Variants in ERI1 observed in about 807,000 individuals in gnomAD.
ERI1 encodes exoribonuclease 1.
A neutral mutation model predicts 39.7 loss-of-function variants in ERI1; 39 were observed. The observed-to-expected ratio is 0.98, with a 90% confidence interval of 0.76 to 1.28. The LOEUF is 1.28. ERI1 is among the 50% of genes most tolerant of loss of function. The pLI is 0.00. For missense variants in ERI1, 581 were observed against 416.9 expected, an observed-to-expected ratio of 1.39 and a Z score of -3.43; for synonymous variants, 204 against 149.6, an observed-to-expected ratio of 1.36 and a Z score of -2.65.
At chr8:9,016,560 A>AG (rs1162420586) in intron 4 of ERI1, among the ~76,000 whole-genome samples, 155 bp downstream of exon 4, 128 of 152,242 alleles carry the variant, frequency 8.4e-4, no homozygotes, top group African/African-American at 3.0e-3. Context: ...AAAAAAAAAA[A>AG]ACAGCAAATT....
intron 3 of ERI1, among the ~76,000 whole-genome samples, chr8:9,068,566 G>A (rs1798952997): frequency 6.6e-6 from 1 of 152,074 alleles, no homozygotes; most frequent in Admixed American, 6.6e-5. Context: ...ATTGCCATAG[G>A]GGTCTTTATT....
intron 3 of ERI1, among the ~76,000 whole-genome samples, chr8:9,053,103 G>C (rs1240521621): frequency 1.3e-5 from 2 of 152,142 alleles, no homozygotes; most frequent in Non-Finnish European, 2.9e-5. Context: ...TGCAACCTCT[G>C]CCTCCCGGGT....
At chr8:9,043,630 A>G (rs2979269) in intron 3 of ERI1, among the ~76,000 whole-genome samples, 67,347 of 152,146 alleles carry the variant, frequency 0.44, 15,839 homozygotes, top group Non-Finnish European at 0.53. Flanking sequence ...TTGGTATTCC[A>G]TGAGAGGTTG....
chr8:9,014,403 T>G (rs1817008262), intron 3 of ERI1, among the ~76,000 whole-genome samples: 1 of 152,208 alleles, frequency 6.6e-6, no homozygotes, highest in Non-Finnish European at 1.5e-5. Flanking sequence ...TGCCCATGTT[T>G]CTGACCCCCC....
chr8:9,003,777 A>G (rs1815639191), intron 1 of ERI1, among the ~76,000 whole-genome samples: 1 of 152,248 alleles, frequency 6.6e-6, no homozygotes, highest in African/African-American at 2.4e-5. Flanking sequence ...ACGAATGTTA[A>G]TTGTTGACTA....
intron 5 of ERI1, among the ~76,000 whole-genome samples, chr8:9,019,063 C>T (rs1002125211): frequency 6.6e-6 from 1 of 152,136 alleles, no homozygotes; most frequent in Non-Finnish European, 1.5e-5. Flanking sequence ...CAGAGAAGGA[C>T]TTTTGCTGCC....
At chr8:9,010,819 C>G (rs147246912) in intron 2 of ERI1, among the ~76,000 whole-genome samples, 103 of 152,284 alleles carry the variant, frequency 6.8e-4, no homozygotes, top group African/African-American at 2.3e-3. Flanking sequence ...CTCCTCCCCA[C>G]TACTCCATTT....
At chr8:9,014,746 T>G (rs536013994) in intron 3 of ERI1, among the ~76,000 whole-genome samples, 64 of 152,382 alleles carry the variant, frequency 4.2e-4, no homozygotes, top group Non-Finnish European at 7.9e-4. Context: ...GGATATAGAC[T>G]TAATTTATCT....
chr8:9,009,781 AC>A (rs1250455491), intron 2 of ERI1, among the ~76,000 whole-genome samples: 1 of 151,650 alleles, frequency 6.6e-6, no homozygotes, highest in East Asian at 1.9e-4. Flanking sequence ...CAAGTGATTC[AC>A]CCCCCTCCCA....
rs59479457 is a variant in ERI1 at position 9,016,215 on chromosome 8, G to A, written c.499-107G>A. On this transcript the variant is annotated intron_variant, in intron 3 of 6. Coordinates refer to ENST00000250263, the MANE Select transcript of ERI1 (RefSeq NM_153332.4). ...CTTAAAAACTGGAAGGGTTTATGCCGTGAGATCCTATGAAATTGCAACCTG... is the reference window on the plus strand; with the variant it reads ...CTTAAAAACTGGAAGGGTTTATGCCATGAGATCCTATGAAATTGCAACCTG... The A allele has an allele frequency of 6.3e-4, 332 of 525,226 alleles. 1 individual carries two copies. The highest frequency in any genetic ancestry group is 4.6e-3 in the African/African-American group (235 of 51,438). The allele number at this position is 525,226 out of a possible 1,614,324, so 32.5% of individuals were successfully genotyped here.
chr8:9,002,942 G>A lies in ERI1; in HGVS notation c.-122G>A, dbSNP rs1490144244. On this transcript the variant is annotated 5_prime_UTR_variant, in exon 1 of 7. Coordinates refer to ENST00000250263, the MANE Select transcript of ERI1 (RefSeq NM_153332.4). ...GGTGGCCGCTGGAGTTTGTGTGGCCGCCGCCGCGGGAACGCGAGCCCGGTA... is the reference window on the plus strand; with the variant it reads ...GGTGGCCGCTGGAGTTTGTGTGGCCACCGCCGCGGGAACGCGAGCCCGGTA... 11 of 705,400 alleles carry A rather than the reference G, an allele frequency of 1.6e-5. No homozygotes were observed. Among genetic ancestry groups the A allele is most frequent in the Non-Finnish European group, 2.2e-5 (11 of 506,668 alleles). 43.7% of individuals were successfully genotyped at this position (705,400 alleles called of 1,614,324 possible).
At chr8:9,019,367 C>G (rs1817643106) in intron 5 of ERI1, among the ~76,000 whole-genome samples, 1 of 152,194 alleles carries the variant, frequency 6.6e-6, no homozygotes, top group African/African-American at 2.4e-5. Flanking sequence ...CACATCATAA[C>G]TGTTAAGTTT....
At chr8:9,005,338 T>A (rs1815865194) in intron 1 of ERI1, among the ~76,000 whole-genome samples, 1 of 152,166 alleles carries the variant, frequency 6.6e-6, no homozygotes, top group Non-Finnish European at 1.5e-5. Context: ...TGTAGCTTAC[T>A]GTTAAAATGT....
intron 3 of ERI1, among the ~76,000 whole-genome samples, chr8:9,044,723 G>T (rs1337099463): frequency 1.3e-5 from 2 of 151,988 alleles, no homozygotes; most frequent in Non-Finnish European, 2.9e-5. Context: ...TGAAGAAACA[G>T]AAACACAGAA....
At position 9,018,353 on chromosome 8, in the gene ERI1, G is replaced by C. The variant is rs756052538; in HGVS notation, c.639G>C (p.Trp213Cys). 6.2e-7 allele frequency: 1 copy of C among 1,612,344 alleles called. No individual in the cohort carries two copies. The highest frequency in any genetic ancestry group is 8.5e-7 in the Non-Finnish European group (1 of 1,178,606). ...FPQVLKKVID[W>C]MKLKELGTKY... Reference sequence around the variant, plus strand: ...AGGTACTAAAAAAAGTAATTGACTGGATGAAATTGAAGGAATTAGGAACAA... The same window carrying C: ...AGGTACTAAAAAAAGTAATTGACTGCATGAAATTGAAGGAATTAGGAACAA... The change falls in exon 5 of 7, where the codon TGG (tryptophan) becomes TGC (cysteine). Residue 213 changes from tryptophan (W) to cysteine (C), a missense_variant. Physicochemically the swap from Trp to Cys is radical, Grantham distance 215. Coordinates refer to ENST00000250263, the MANE Select transcript of ERI1 (RefSeq NM_153332.4).
chr8:9,037,702 T>A (rs113725657), downstream of ERI1, among the ~76,000 whole-genome samples: 441 of 152,252 alleles, frequency 2.9e-3, 1 homozygote, highest in African/African-American at 9.7e-3. Context: ...GAGTTACTGT[T>A]TTGGCAGAGT....
intron 3 of ERI1, among the ~76,000 whole-genome samples, chr8:9,065,144 C>T (rs770053184): frequency 2.0e-5 from 3 of 152,228 alleles, no homozygotes; most frequent in African/African-American, 7.2e-5. Context: ...TGGATGTGTA[C>T]GTGCAGGCCA....
intron 2 of ERI1, among the ~76,000 whole-genome samples, chr8:9,008,652 C>T (rs1038424771): frequency 5.3e-5 from 8 of 152,154 alleles, no homozygotes; most frequent in Non-Finnish European, 2.9e-5. Context: ...GAAAACAATG[C>T]AACTTAGTCA....
intron 3 of ERI1, among the ~76,000 whole-genome samples, chr8:9,059,928 TG>T (rs893206189): frequency 5.9e-5 from 9 of 152,144 alleles, no homozygotes; most frequent in African/African-American, 2.2e-4. Context: ...GGAATGAGAC[TG>T]GGGCTTAATA....
Sources: gnomAD v4.1 joint callset for allele counts (sites outside exome capture counted in the v4.1 genomes callset) on GRCh38, gnomAD v4.1.1 for gene constraint, MANE v1.5 for transcripts, NCBI Gene and HGNC (gene_info 2026-07-23, HGNC 2026-07-21) for gene names.